The following G2E3 variants were observed in gnomAD, a reference collection of about 807,000 sequenced individuals.
G2E3 encodes G2/M-phase specific E3 ubiquitin protein ligase.
G2E3 carries 35 observed loss-of-function variants against 92.8 expected under a neutral mutation model. The ratio of observed to expected loss-of-function variants is 0.38; its 90% CI spans 0.29 to 0.50. The LOEUF (loss-of-function observed/expected upper bound fraction) is 0.50. Among genes scored for constraint, G2E3 ranks in the 20% least tolerant of loss-of-function variants. The pLI is 0.94. For synonymous variants in G2E3, 242 were observed against 272.4 expected, an observed-to-expected ratio of 0.89 and a Z score of 1.10; for missense variants, 554 against 823.8, an observed-to-expected ratio of 0.67 and a Z score of 4.01.
chr14:30,607,828 AATG>A (rs908389294), intron 11 of G2E3, 57 bp from the exon 12 acceptor site: 2 of 864,850 alleles, frequency 2.3e-6, no homozygotes, highest in East Asian at 2.9e-5. Flanking sequence ...TAATATAAAA[AATG>A]ATGGTTATCT....
At chr14:30,575,307 C>G (rs1880013336) in intron 1 of G2E3, among the ~76,000 whole-genome samples, 1 of 151,978 alleles carries the variant, frequency 6.6e-6, no homozygotes, top group South Asian at 2.1e-4. Context: ...CTTATAAATG[C>G]TTTTGATAAA....
rs552373298 is a variant in G2E3 at position 30,579,114 on chromosome 14, C to T, written c.-4-1962C>T. On this transcript the variant is annotated intron_variant, in intron 1 of 14. Coordinates refer to ENST00000206595, the MANE Select transcript of G2E3 (RefSeq NM_017769.5). ...TTTGAGAATGTATAAACATCAAAAGCGCCATCGTATACCTGTAGAGAATTA... is the reference window on the plus strand; with the variant it reads ...TTTGAGAATGTATAAACATCAAAAGTGCCATCGTATACCTGTAGAGAATTA... 1.1e-4 allele frequency among the ~76,000 whole-genome samples: 17 copies of T among 152,074 alleles called. No homozygotes were observed. The East Asian group carries it at 2.7e-3, about 24-fold the overall frequency.
chr14:30,605,571 A>G lies in G2E3; in HGVS notation c.1077A>G (p.Lys359=), dbSNP rs1229369621. 1.3e-6 allele frequency: 2 copies of G among 1,514,348 alleles called. No individual in the cohort carries two copies. The highest frequency in any genetic ancestry group is 1.8e-6 in the Non-Finnish European group (2 of 1,105,524). 93.8% of individuals were successfully genotyped at this position (1,514,348 alleles called of 1,614,324 possible). A position where few individuals can be genotyped will look rare whatever the true frequency, so the allele number is the denominator to read the frequency against. Residue 359 remains lysine, a synonymous_variant, in exon 11 of 15, where the codon AAA becomes AAG. Transcript: ENST00000206595. The stretch of plus-strand genomic sequence containing the variant: ...TAGAGTTAGGATTCCAAATTAAAAA[A>G]AAAACTAAAAGATTGTATATCAACA... ...LLIELGFQIK[K]KTKRLYINKA...
intron 1 of G2E3, among the ~76,000 whole-genome samples, chr14:30,572,859 G>A (rs145865276): frequency 6.6e-6 from 1 of 152,166 alleles, no homozygotes; most frequent in African/African-American, 2.4e-5. Flanking sequence ...AATTGAGGCT[G>A]AGGTCTCAGG....
intron 7 of G2E3, 97 bp downstream of exon 7, chr14:30,597,623 G>A: frequency 1.4e-6 from 1 of 730,534 alleles, no homozygotes; most frequent in African/African-American, 1.8e-5. Flanking sequence ...CAGTGAGCAT[G>A]GACAGGTAGC....
intron 1 of G2E3, chr14:30,574,536 A>G (rs1355719994): frequency 6.6e-6 from 1 of 151,876 alleles, no homozygotes; most frequent in African/African-American, 2.4e-5. Flanking sequence ...ATTAAGCCCA[A>G]TAGCCAATAG....
At chr14:30,606,641 A>C (rs1881845398) in intron 11 of G2E3, among the ~76,000 whole-genome samples, 1 of 152,136 alleles carries the variant, frequency 6.6e-6, no homozygotes, top group Non-Finnish European at 1.5e-5. Context: ...GTTTGTACAC[A>C]TCTAGTTCTT....
chr14:30,596,475 A>G (rs1289558736), intron 6 of G2E3, among the ~76,000 whole-genome samples: 2 of 152,028 alleles, frequency 1.3e-5, no homozygotes, highest in Non-Finnish European at 2.9e-5. Flanking sequence ...GTATTTTCCT[A>G]ATTACACATT....
At position 30,570,284 on chromosome 14, in the gene G2E3, G is replaced by T. The variant is rs184856644; in HGVS notation, c.-4-10792G>T. ...GTTTTTGTCAGTTTGACTATACTGT[G>T]TCTCAATGTGGATCTCCTAGAATTT... On this transcript the variant is annotated intron_variant, in intron 1 of 14. Coordinates refer to ENST00000206595, the MANE Select transcript of G2E3 (RefSeq NM_017769.5). Among the ~76,000 whole-genome samples, 27 of 152,226 alleles carry T rather than the reference G, an allele frequency of 1.8e-4. No individual in the cohort carries two copies. The East Asian group carries it at 5.2e-3, about 29-fold the overall frequency.
chr14:30,576,278 T>C (rs1880084318), intron 1 of G2E3, among the ~76,000 whole-genome samples: 1 of 152,144 alleles, frequency 6.6e-6, no homozygotes, highest in Non-Finnish European at 1.5e-5. Flanking sequence ...GAAAAGACTC[T>C]CTGTTTATTA....
rs1293825274 is a variant in G2E3 at position 30,601,663 on chromosome 14, G to T, written c.753-107G>T. 9 of 975,004 alleles carry T rather than the reference G, an allele frequency of 9.2e-6. No homozygotes were observed. In the East Asian group the frequency reaches 2.2e-4, roughly 23 times the overall value. 60.4% of individuals were successfully genotyped at this position (975,004 alleles called of 1,614,324 possible). ...TCTTCCTTTAGTAAATCGATTGGGC[G>T]GGTGTGTGCGTGTTTGTGTGTAAGA... On this transcript the variant is annotated intron_variant, in intron 8 of 14. Coordinates refer to ENST00000206595, the MANE Select transcript of G2E3 (RefSeq NM_017769.5).
chr14:30,567,964 G>A (rs929404099), intron 1 of G2E3, among the ~76,000 whole-genome samples: 1 of 152,020 alleles, frequency 6.6e-6, no homozygotes, highest in Non-Finnish European at 1.5e-5. Flanking sequence ...GTATATCCAT[G>A]GATATTGTTC....
chr14:30,580,643 G>A (rs956508740), intron 1 of G2E3, among the ~76,000 whole-genome samples: 2 of 152,220 alleles, frequency 1.3e-5, no homozygotes, highest in African/African-American at 4.8e-5. Flanking sequence ...GATTGACATA[G>A]GAGTTGTAGT....
At chr14:30,611,058 T>G (rs1210914623) in intron 12 of G2E3, among the ~76,000 whole-genome samples, 1 of 152,188 alleles carries the variant, frequency 6.6e-6, no homozygotes, top group African/African-American at 2.4e-5. Flanking sequence ...TTCCTCTCAT[T>G]ATCGTGTAAC....
At chr14:30,571,332 G>A (rs1879749999) in intron 1 of G2E3, among the ~76,000 whole-genome samples, 1 of 151,676 alleles carries the variant, frequency 6.6e-6, no homozygotes, top group African/African-American at 2.4e-5. Flanking sequence ...TGAGTTGTAA[G>A]CATTCTTTAT....
intron 1 of G2E3, among the ~76,000 whole-genome samples, chr14:30,572,637 G>T (rs193028378): frequency 7.9e-5 from 12 of 151,942 alleles, no homozygotes; most frequent in African/African-American, 2.7e-4. Context: ...ACCCCTTATT[G>T]TATTAACATG....
At chr14:30,614,911 A>T (rs1160409998) in intron 13 of G2E3, among the ~76,000 whole-genome samples, 1 of 152,022 alleles carries the variant, frequency 6.6e-6, no homozygotes, top group Admixed American at 6.6e-5. Context: ...GCTTTATCTT[A>T]ATTTCTTTTT....
In G2E3 at chr14:30,619,107, C is replaced by T. The variant is rs1882447465; in HGVS notation, c.*2573C>T. ...ACCTTTTATACAATTCTCTACTATT[C>T]AAGATATTCTTTAAAATATCTCACC... On this transcript the variant is annotated 3_prime_UTR_variant, in exon 15 of 15. Transcript: ENST00000206595. 6.6e-6 allele frequency: 1 copy of T among 152,004 alleles called. No individual in the cohort carries two copies. Among genetic ancestry groups the T allele is most frequent in the Admixed American group, 6.5e-5 (1 of 15,270 alleles). 9.4% of individuals were successfully genotyped at this position (152,004 alleles called of 1,614,324 possible). A position where few individuals can be genotyped will look rare whatever the true frequency, so the allele number is the denominator to read the frequency against.
At chr14:30,580,374 CTT>C (rs1240987250) in intron 1 of G2E3, among the ~76,000 whole-genome samples, 1 of 152,042 alleles carries the variant, frequency 6.6e-6, no homozygotes, top group East Asian at 1.9e-4. Context: ...GCCCTGCTAA[CTT>C]TGTATTTTTG....
Sources: gnomAD v4.1 joint callset for allele counts (sites outside exome capture counted in the v4.1 genomes callset) on GRCh38, gnomAD v4.1.1 for gene constraint, MANE v1.5 for transcripts, NCBI Gene and HGNC (gene_info 2026-07-23, HGNC 2026-07-21) for gene names.